CPN2: variants seen among roughly 807,000 people sequenced by gnomAD.
CPN2 encodes the protein carboxypeptidase N subunit 2.
For synonymous variants in CPN2, 336 were observed against 318.4 expected (o/e 1.06, Z -0.59); for missense variants, 620 against 671.4 (o/e 0.92, Z 0.85).
rs376163225 is a variant in CPN2, at chr3:194,345,877, G to A, written c.-3-3172C>T. Among the ~76,000 whole-genome samples, 334 of 152,340 alleles carry A rather than the reference G, an allele frequency of 2.2e-3. No homozygotes were observed. The Middle Eastern group carries it at 0.027, about 12-fold the overall frequency. On this transcript the variant is annotated intron_variant, in intron 1 of 1. Transcript: ENST00000323830. ...GGTCTGTGCCTCTAACTTTTCATCC[G>A]TTGTCTTTGGAAATAATGTGCTTTA...
rs1185311055 is a variant in CPN2, at chr3:194,340,753, G to A, written c.*312C>T. 3.0e-6 allele frequency: 1 copy of A among 333,898 alleles called. No individual in the cohort carries two copies. Among genetic ancestry groups the A allele is most frequent in the African/African-American group, 2.0e-5 (1 of 48,916 alleles). The allele number at this position is 333,898 out of a possible 1,614,324, so 20.7% of individuals were successfully genotyped here. ...AGGGTGTAGGTGAGAGCGGTTGGGTGTTACATAATGGGGAGGCATCAGGGC... is the reference window on the plus strand; with the variant it reads ...AGGGTGTAGGTGAGAGCGGTTGGGTATTACATAATGGGGAGGCATCAGGGC... On this transcript the variant is annotated 3_prime_UTR_variant, in exon 2 of 2. Coordinates refer to ENST00000323830, the MANE Select transcript of CPN2 (RefSeq NM_001080513.4).
chr3:194,341,206 A>G lies in CPN2; in HGVS notation c.1497T>C (p.Cys499=), dbSNP rs1290685169. The G allele has an allele frequency of 6.2e-7, 1 of 1,613,570 alleles. No homozygotes were observed. Among genetic ancestry groups the G allele is most frequent in the Admixed American group, 1.7e-5 (1 of 60,016 alleles). The part of the protein sequence containing the change: ...TVVLACDQAQ[C]RWLNVQLSPQ... The stretch of plus-strand genomic sequence containing the variant: ...GAGAGAGCTGGACGTTCAGCCAGCG[A>G]CACTGGGCCTGGTCACAGGCGAGCA... Residue 499 remains cysteine (C), a synonymous_variant, in exon 2 of 2, where the codon TGT becomes TGC. Transcript: ENST00000323830.
In CPN2 at chr3:194,341,891, C is replaced by A; in HGVS notation, c.812G>T (p.Ser271Ile). ...GACCCGAAGCATGTTCCACTGCAAG[C>A]TCAGAAAGGTCAGATTACCCAGGGA... ...FASLGNLTFL[S>I]LQWNMLRVLP... The change falls in exon 2 of 2, where the codon AGC becomes ATC. Residue 271 changes from serine (S) to isoleucine (I), a missense_variant. Physicochemically the swap from Ser to Ile is moderately radical, Grantham distance 142 (BLOSUM62 -2). Coordinates refer to ENST00000323830, the MANE Select transcript of CPN2 (RefSeq NM_001080513.4). 1 of 1,614,190 alleles carries A rather than the reference C, an allele frequency of 6.2e-7. No individual in the cohort carries two copies. Among genetic ancestry groups the A allele is most frequent in the Non-Finnish European group, 8.5e-7 (1 of 1,180,042 alleles).
chr3:194,342,515 G>A lies in CPN2; in HGVS notation c.188C>T (p.Thr63Ile). 6.2e-7 allele frequency: 1 copy of A among 1,614,212 alleles called. No individual in the cohort carries two copies. The highest frequency in any genetic ancestry group is 8.5e-7 in the Non-Finnish European group (1 of 1,180,028). Residue 63 changes from threonine (T) to isoleucine (I), a missense_variant, in exon 2 of 2, where the codon ACA (threonine) becomes ATA (isoleucine). Physicochemically the swap from Thr to Ile is moderately conservative, Grantham distance 89. Coordinates refer to ENST00000323830, the MANE Select transcript of CPN2 (RefSeq NM_001080513.4). ...ACTGCCAAAAGCTCTGGTTTCCAAT[G>A]TGGTGAACGAGGTCTCCACAAAGAT... is the stretch of plus-strand genomic sequence containing the variant. ...NIIFVETSFT[T>I]LETRAFGSNP...
At chr3:194,350,956 C>T (rs998760511) in intron 1 of CPN2, among the ~76,000 whole-genome samples, 1 of 152,086 alleles carries the variant, frequency 6.6e-6, no homozygotes, top group African/African-American at 2.4e-5. Context: ...ACCAGGCCAA[C>T]CTGGACATCT....
In CPN2 at chr3:194,342,229, CTGGAGCTGGTTCCCCTGCAGG is replaced by C. The variant is rs1200598842; in HGVS notation, c.453_473del (p.His151_Leu157del). On this transcript the variant is annotated inframe_deletion, in exon 2 of 2. Coordinates refer to ENST00000323830, the MANE Select transcript of CPN2 (RefSeq NM_001080513.4). The stretch of plus-strand genomic sequence containing the variant: ...GCTGGAAGAGCCTCCTGGGCAGGGC[CTGGAGCTGGTTCCCCTGCAGG>C]TGGAGGGACTCCAGGGCAGCCAGGT... 1 of 1,613,864 alleles carries C rather than the reference CTGGAGCTGGTTCCCCTGCAGG, an allele frequency of 6.2e-7. No individual in the cohort carries two copies. The highest frequency in any genetic ancestry group is 8.5e-7 in the Non-Finnish European group (1 of 1,179,938).
At chr3:194,350,869 T>C (rs1416794512) in intron 1 of CPN2, among the ~76,000 whole-genome samples, 1 of 151,290 alleles carries the variant, frequency 6.6e-6, no homozygotes, top group Non-Finnish European at 1.5e-5. Context: ...ATATTTAGTA[T>C]TAATATAGGA....
intron 1 of CPN2, 52 bp from the exon 2 acceptor site, chr3:194,342,757 G>A (rs187305881): frequency 4.9e-5 from 39 of 792,798 alleles, no homozygotes; most frequent in Middle Eastern, 4.8e-4. Context: ...TCATCACACA[G>A]CATGGCACAG....
rs777765688 is a variant in CPN2 at position 194,349,724 on chromosome 3, C to T, written c.-4+1518G>A. On this transcript the variant is annotated intron_variant, in intron 1 of 1. Transcript: ENST00000323830. ...GACCCTCCCAATTTATACCCACCCT[C>T]CCAGTCCAGTGCAAGTCACACTTCC... Among the ~76,000 whole-genome samples, 163 of 150,272 alleles carry T rather than the reference C, an allele frequency of 1.1e-3. 1 individual carries two copies. Among genetic ancestry groups the T allele is most frequent in the Middle Eastern group, 3.4e-3 (1 of 290 alleles).
chr3:194,347,186 CT>C (rs200740896), intron 1 of CPN2, among the ~76,000 whole-genome samples: 4,909 of 150,454 alleles, frequency 0.033, 288 homozygotes, highest in African/African-American at 0.12. Context: ...GGAAGTCTGG[CT>C]TTTTAAATGG....
chr3:194,341,501 CAGT>C lies in CPN2; in HGVS notation c.1199_1201del (p.Asp400_Cys401delinsGly). 1 of 1,614,194 alleles carries C rather than the reference CAGT, an allele frequency of 6.2e-7. No individual in the cohort carries two copies. Among genetic ancestry groups the C allele is most frequent in the Non-Finnish European group, 8.5e-7 (1 of 1,180,052 alleles). ...CCAGTTGAAGAGGTAGGCCAGGTGGCAGTCGCACTGCCAGGGGTTACCGTGCAG... is the reference window on the plus strand; with the variant it reads ...CCAGTTGAAGAGGTAGGCCAGGTGGCCGCACTGCCAGGGGTTACCGTGCAG... On this transcript the variant is annotated inframe_deletion, in exon 2 of 2. Coordinates refer to ENST00000323830, the MANE Select transcript of CPN2 (RefSeq NM_001080513.4).
rs140462752 is a variant in CPN2, at chr3:194,342,276, G to T, written c.427C>A (p.His143Asn). The T allele has an allele frequency of 8.7e-5, 141 of 1,613,670 alleles. No individual in the cohort carries two copies. Among genetic ancestry groups the T allele is most frequent in the Non-Finnish European group, 1.2e-4 (138 of 1,179,930 alleles). ...TGGAGGGACTCCAGGGCAGCCAGGTGCTGGAAAAGACCCTCGGGCAGAGCC... is the reference window on the plus strand; with the variant it reads ...TGGAGGGACTCCAGGGCAGCCAGGTTCTGGAAAAGACCCTCGGGCAGAGCC... ...LEALPEGLFQ[H>N]LAALESLHLQ... The change falls in exon 2 of 2, where the codon CAC becomes AAC. Residue 143 changes from histidine to asparagine, a missense_variant. Coordinates refer to ENST00000323830, the MANE Select transcript of CPN2 (RefSeq NM_001080513.4).
At chr3:194,346,886 C>T (rs899954942) in intron 1 of CPN2, among the ~76,000 whole-genome samples, 2 of 152,206 alleles carry the variant, frequency 1.3e-5, no homozygotes, top group Non-Finnish European at 2.9e-5. Flanking sequence ...CGCCTCTCCA[C>T]AGCACTCCTT....
intron 1 of CPN2, among the ~76,000 whole-genome samples, chr3:194,347,767 C>T (rs535124727): frequency 7.6e-6 from 1 of 131,110 alleles, no homozygotes; most frequent in Admixed American, 7.6e-5. Flanking sequence ...CAGCCCACCC[C>T]ACCCTCTGCC....
Position 194,341,373 on chromosome 3 carries a change from C to A in CPN2, c.1330G>T (p.Val444Leu), listed in dbSNP as rs140980722. 1.2e-6 allele frequency: 2 copies of A among 1,614,106 alleles called. No homozygotes were observed. Among genetic ancestry groups the A allele is most frequent in the Admixed American group, 3.3e-5 (2 of 60,034 alleles). The change falls in exon 2 of 2, where the codon GTG becomes TTG. Residue 444 changes from valine (V) to leucine (L), a missense_variant. Physicochemically the swap from Val to Leu is conservative, Grantham distance 32. Coordinates refer to ENST00000323830, the MANE Select transcript of CPN2 (RefSeq NM_001080513.4). ...VVPALNEKQLVCPVTRDHLGF... is the reference protein window; with the variant it reads ...VVPALNEKQLLCPVTRDHLGF... ...AAGTGGTCCCGGGTGACGGGACACACCAGCTGCTTCTCATTCAAGGCGGGC... is the reference window on the plus strand; with the variant it reads ...AAGTGGTCCCGGGTGACGGGACACAACAGCTGCTTCTCATTCAAGGCGGGC...
Position 194,340,636 on chromosome 3 carries a change from A to G in CPN2, c.*429T>C, listed in dbSNP as rs917757079. 1.2e-5 allele frequency: 2 copies of G among 163,090 alleles called. No individual in the cohort carries two copies. Among genetic ancestry groups the G allele is most frequent in the African/African-American group, 4.8e-5 (2 of 41,824 alleles). 10.1% of individuals were successfully genotyped at this position (163,090 alleles called of 1,614,324 possible). On this transcript the variant is annotated 3_prime_UTR_variant, in exon 2 of 2. Coordinates refer to ENST00000323830, the MANE Select transcript of CPN2 (RefSeq NM_001080513.4). ...ACCAATTTTAAATGAAATTCCAGGG[A>G]AATAAATGGAAACAGACACTGGGCT...
chr3:194,341,403 C>A lies in CPN2; in HGVS notation c.1300G>T (p.Val434Leu). ...TGCTTCTCATTCAAGGCGGGCACCACCTGGCCTTTGAGGTAGGCAGGGCCA... is the reference window on the plus strand; with the variant it reads ...TGCTTCTCATTCAAGGCGGGCACCAACTGGCCTTTGAGGTAGGCAGGGCCA... The part of the protein sequence containing the change: ...CAGPAYLKGQ[V>L]VPALNEKQLV... The change falls in exon 2 of 2, where the codon GTG becomes TTG. Residue 434 changes from valine (V) to leucine (L), a missense_variant. Val to Leu is a conservative substitution (Grantham distance 32). Transcript: ENST00000323830. 1.2e-6 allele frequency: 2 copies of A among 1,614,180 alleles called. No homozygotes were observed. The highest frequency in any genetic ancestry group is 1.7e-6 in the Non-Finnish European group (2 of 1,180,050).
chr3:194,348,440 A>G (rs946597057), intron 1 of CPN2, among the ~76,000 whole-genome samples: 2 of 152,176 alleles, frequency 1.3e-5, no homozygotes, highest in Non-Finnish European at 2.9e-5. Context: ...ATAATACCTC[A>G]GTCCCGGCAT....
Position 194,340,027 on chromosome 3 carries a change from T to C in CPN2, c.*1038A>G, listed in dbSNP as rs1712743627. 6.6e-6 allele frequency: 1 copy of C among 152,218 alleles called. No individual in the cohort carries two copies. Among genetic ancestry groups the C allele is most frequent in the Non-Finnish European group, 1.5e-5 (1 of 68,046 alleles). 9.4% of individuals were successfully genotyped at this position (152,218 alleles called of 1,614,324 possible). On this transcript the variant is annotated 3_prime_UTR_variant, in exon 2 of 2. Transcript: ENST00000323830. The stretch of plus-strand genomic sequence containing the variant: ...TAAACATTTTCTGGTTGACAATTGG[T>C]TGAGCTTAGCTGAAGACCTGGGATC...
Sources: allele counts gnomAD v4.1 joint callset (sites outside exome capture counted in the v4.1 genomes callset), GRCh38; gene constraint gnomAD v4.1.1; transcripts MANE v1.5; gene names NCBI Gene and HGNC (gene_info 2026-07-23, HGNC 2026-07-21).